Variants in PEX5L observed in about 807,000 individuals in gnomAD.
The protein encoded by PEX5L is PEX5-related protein.
A neutral mutation model predicts 84.0 loss-of-function variants in PEX5L; 30 were observed. The ratio of observed to expected loss-of-function variants is 0.36; its 90% CI spans 0.27 to 0.48. The LOEUF is 0.48. PEX5L is among the 20% of genes least tolerant of loss of function. The probability of loss-of-function intolerance (pLI) is 0.99; values close to 1 mark genes in which losing one functional copy is unlikely to be tolerated. For synonymous variants in PEX5L, 270 were observed against 283.1 expected, an observed-to-expected ratio of 0.95 and a Z score of 0.46; for missense variants, 533 against 754.6, an observed-to-expected ratio of 0.71 and a Z score of 3.44.
chr3:179,960,948 GTT>G (rs1247371720), intron 2 of PEX5L, among the ~76,000 whole-genome samples: 2 of 152,026 alleles, frequency 1.3e-5, no homozygotes, highest in African/African-American at 4.8e-5. Flanking sequence ...TATGCTTAGT[GTT>G]TTTCTACAAC....
At chr3:179,847,288 G>A (rs1231315258) in intron 8 of PEX5L, among the ~76,000 whole-genome samples, 1 of 151,950 alleles carries the variant, frequency 6.6e-6, no homozygotes, top group African/African-American at 2.4e-5. Context: ...ATAGATATCT[G>A]TATATTGATT....
chr3:179,919,032 G>A (rs1297163327), intron 2 of PEX5L, among the ~76,000 whole-genome samples: 16 of 152,160 alleles, frequency 1.1e-4, no homozygotes, highest in Non-Finnish European at 2.4e-4. Context: ...CAGGTTCTAG[G>A]GCTTGGTCAA....
intron 7 of PEX5L, among the ~76,000 whole-genome samples, chr3:179,865,197 A>G (rs554760104): frequency 6.6e-6 from 1 of 152,334 alleles, no homozygotes; most frequent in Middle Eastern, 3.4e-3. Flanking sequence ...TTTTATTTTC[A>G]TAGTACAATT....
chr3:179,888,945 T>A (rs1756781048), intron 3 of PEX5L, among the ~76,000 whole-genome samples: 1 of 152,010 alleles, frequency 6.6e-6, no homozygotes, highest in Non-Finnish European at 1.5e-5. Context: ...TTAAAAATTT[T>A]AAATTTATTT....
chr3:179,868,892 G>A (rs558887763), intron 7 of PEX5L, among the ~76,000 whole-genome samples: 1 of 151,368 alleles, frequency 6.6e-6, no homozygotes, highest in Admixed American at 6.6e-5. Context: ...GGGGGGTTGG[G>A]TCTTCGTTCC....
intron 1 of PEX5L, among the ~76,000 whole-genome samples, chr3:179,982,856 C>A (rs1228000958): frequency 6.6e-6 from 1 of 151,792 alleles, no homozygotes; most frequent in Non-Finnish European, 1.5e-5. Context: ...ATCTAAAATG[C>A]CATGGATGGT....
At chr3:179,805,097 T>G (rs1720714611) in intron 14 of PEX5L, among the ~76,000 whole-genome samples, 1 of 148,272 alleles carries the variant, frequency 6.7e-6, no homozygotes, top group Non-Finnish European at 1.5e-5. Context: ...CCAGCCTGGG[T>G]GACAGAAGCC....
At chr3:179,832,782 G>T (rs1427846133) in intron 8 of PEX5L, among the ~76,000 whole-genome samples, 1 of 136,870 alleles carries the variant, frequency 7.3e-6, no homozygotes, top group Non-Finnish European at 1.5e-5. Flanking sequence ...CTACTTACCC[G>T]CCCATCTACT....
intron 7 of PEX5L, among the ~76,000 whole-genome samples, chr3:179,873,381 A>C (rs1751025641): frequency 6.6e-6 from 1 of 152,036 alleles, no homozygotes; most frequent in Non-Finnish European, 1.5e-5. Flanking sequence ...TCTCTTGCTT[A>C]TTTTATCACA....
chr3:179,825,404 G>A (rs2109027139), intron 8 of PEX5L, among the ~76,000 whole-genome samples: 1 of 152,300 alleles, frequency 6.6e-6, no homozygotes, highest in Middle Eastern at 3.4e-3. Flanking sequence ...CAAATCAGAT[G>A]GAGGTTTGAC....
At chr3:179,975,244 T>A (rs897897513) in intron 1 of PEX5L, among the ~76,000 whole-genome samples, 12 of 152,066 alleles carry the variant, frequency 7.9e-5, no homozygotes, top group Admixed American at 7.9e-4. Context: ...AGATATGGGA[T>A]GTATCATATA....
At chr3:179,836,668 T>TG (rs1735062762) in intron 8 of PEX5L, among the ~76,000 whole-genome samples, 1 of 152,220 alleles carries the variant, frequency 6.6e-6, no homozygotes, top group African/African-American at 2.4e-5. Context: ...GTAGACGCTA[T>TG]GCTTATTCAT....
chr3:180,026,270 C>A (rs896200034), intron 1 of PEX5L, among the ~76,000 whole-genome samples: 4 of 151,272 alleles, frequency 2.6e-5, no homozygotes, highest in Non-Finnish European at 5.9e-5. Context: ...GACCTTTATA[C>A]CTCCAAGATT....
At chr3:179,959,387 G>A (rs143486740) in intron 2 of PEX5L, among the ~76,000 whole-genome samples, 17 of 152,132 alleles carry the variant, frequency 1.1e-4, no homozygotes, top group East Asian at 7.7e-4. Context: ...ACTGCAGCAC[G>A]GGCACTGTAA....
chr3:179,906,145 T>C (rs991206857), intron 2 of PEX5L, among the ~76,000 whole-genome samples: 60 of 152,362 alleles, frequency 3.9e-4, no homozygotes, highest in African/African-American at 1.4e-3. Context: ...TTTTAATTAA[T>C]AATATCCCTT....
intron 1 of PEX5L, among the ~76,000 whole-genome samples, chr3:180,008,890 C>G (rs539762539): frequency 3.3e-5 from 5 of 152,312 alleles, no homozygotes; most frequent in Admixed American, 3.3e-4. Flanking sequence ...CAAACCATAT[C>G]ATCTTGCTTT....
chr3:179,966,891 T>A (rs963099014), intron 2 of PEX5L, among the ~76,000 whole-genome samples: 6 of 152,186 alleles, frequency 3.9e-5, no homozygotes, highest in Non-Finnish European at 5.9e-5. Context: ...CCAGGGCCCC[T>A]TCTCATGCCT....
At chr3:179,929,566 C>T (rs1772431903) in intron 2 of PEX5L, among the ~76,000 whole-genome samples, 1 of 149,098 alleles carries the variant, frequency 6.7e-6, no homozygotes, top group African/African-American at 2.5e-5. Flanking sequence ...TAGTTTGGAG[C>T]AGCATTTAGA....
intron 4 of PEX5L, among the ~76,000 whole-genome samples, chr3:179,887,141 A>C (rs1756141595): frequency 6.6e-6 from 1 of 152,226 alleles, no homozygotes; most frequent in African/African-American, 2.4e-5. Context: ...ATAATGTTTA[A>C]TTCCAGGAGA....
Sources: allele counts gnomAD v4.1 joint callset (sites outside exome capture counted in the v4.1 genomes callset), GRCh38; gene constraint gnomAD v4.1.1; transcripts MANE v1.5; gene names NCBI Gene and HGNC (gene_info 2026-07-23, HGNC 2026-07-21).